Variants in SLC4A10 observed in about 807,000 individuals in gnomAD.
SLC4A10 encodes solute carrier family 4 member 10.
SLC4A10 carries 42 observed loss-of-function variants against 137.7 expected under a neutral mutation model. The ratio of observed to expected loss-of-function variants is 0.30; its 90% CI spans 0.24 to 0.39. The LOEUF (loss-of-function observed/expected upper bound fraction) is 0.39, where lower values mean the gene tolerates loss of function less well. Among genes scored for constraint, SLC4A10 ranks in the 10% least tolerant of loss-of-function variants. The pLI, the probability that SLC4A10 is intolerant of heterozygous loss-of-function variation, is 1.00. For missense variants in SLC4A10, 925 were observed against 1,355.0 expected (o/e 0.68, Z 4.98); for synonymous variants, 474 against 464.1 (o/e 1.02, Z -0.27).
intron 10 of SLC4A10, among the ~76,000 whole-genome samples, chr2:161,886,433 T>G (rs2062292344): frequency 6.6e-6 from 1 of 152,194 alleles, no homozygotes; most frequent in South Asian, 2.1e-4. Flanking sequence ...TTGAGAGTTT[T>G]GAAGGAGTAG....
intron 1 of SLC4A10, among the ~76,000 whole-genome samples, chr2:161,676,266 G>A (rs2040264018): frequency 6.6e-6 from 1 of 152,176 alleles, no homozygotes; most frequent in Non-Finnish European, 1.5e-5. Flanking sequence ...AATATAGCAT[G>A]GGATCAGGGA....
At position 161,848,494 on chromosome 2, in the gene SLC4A10, G is replaced by A. The variant is rs149537246; in HGVS notation, c.417-6476G>A. On this transcript the variant is annotated intron_variant, in intron 4 of 26. Coordinates refer to ENST00000446997, the MANE Select transcript of SLC4A10 (RefSeq NM_001178015.2). ...ATGGTATTTCCTGGATTTTCTTCTA[G>A]AGTTTTTATAGTGTTTTTGGCCTTA... is the stretch of plus-strand genomic sequence containing the variant. Among the ~76,000 whole-genome samples, 755 of 152,150 alleles carry A rather than the reference G, an allele frequency of 5.0e-3. 1 individual carries two copies. Among genetic ancestry groups the A allele is most frequent in the Non-Finnish European group, 7.2e-3 (488 of 67,992 alleles).
At chr2:161,942,286 A>G (rs1184736410) in intron 15 of SLC4A10, among the ~76,000 whole-genome samples, 1 of 152,190 alleles carries the variant, frequency 6.6e-6, no homozygotes, top group South Asian at 2.1e-4. Flanking sequence ...TGGAAAACAA[A>G]CTGTAAATTG....
chr2:161,661,841 A>G (rs560733631), intron 1 of SLC4A10, among the ~76,000 whole-genome samples: 7 of 152,166 alleles, frequency 4.6e-5, no homozygotes, highest in Non-Finnish European at 8.8e-5. Flanking sequence ...CAAAAAAAAT[A>G]TATATTTTAC....
intron 1 of SLC4A10, among the ~76,000 whole-genome samples, chr2:161,684,076 CTTCT>C (rs957671509): frequency 7.9e-5 from 12 of 152,216 alleles, no homozygotes; most frequent in African/African-American, 2.9e-4. Context: ...AACCATCGTT[CTTCT>C]TTCTTTCTTC....
Position 161,843,897 on chromosome 2 carries a change from G to A in SLC4A10, c.416+3970G>A, listed in dbSNP as rs557916853. On this transcript the variant is annotated intron_variant, in intron 4 of 26. Coordinates refer to ENST00000446997, the MANE Select transcript of SLC4A10 (RefSeq NM_001178015.2). The stretch of plus-strand genomic sequence containing the variant: ...ACTGTCATTGCCAAGTAAAACTTAA[G>A]CAAAGTTTTAGGTTTTGAAGCTAAA... 2.1e-4 allele frequency among the ~76,000 whole-genome samples: 32 copies of A among 152,108 alleles called. No homozygotes were observed. The East Asian group carries it at 6.2e-3, about 29-fold the overall frequency.
chr2:161,723,384 C>T (rs2045900028), intron 1 of SLC4A10, among the ~76,000 whole-genome samples: 1 of 152,152 alleles, frequency 6.6e-6, no homozygotes, highest in Non-Finnish European at 1.5e-5. Context: ...CCTAGTCAGT[C>T]TCAATAGGGG....
chr2:161,786,063 G>A (rs2053589293), intron 2 of SLC4A10, among the ~76,000 whole-genome samples: 1 of 151,722 alleles, frequency 6.6e-6, no homozygotes, highest in Non-Finnish European at 1.5e-5. Context: ...TCTCTTTTCT[G>A]AGGTCTAATG....
intron 1 of SLC4A10, among the ~76,000 whole-genome samples, chr2:161,751,771 T>A (rs775903864): frequency 6.6e-6 from 1 of 151,880 alleles, no homozygotes; most frequent in Non-Finnish European, 1.5e-5. Context: ...TTATATAGGG[T>A]CCTCTTATCC....
Position 161,984,253 on chromosome 2 carries a change from T to A in SLC4A10, c.*1101T>A, listed in dbSNP as rs1700573241. ...GTTGTGGAAAAACAGTCTTTTAAAA[T>A]GAAATTTCAGATTCCATTTGAGAAG... On this transcript the variant is annotated 3_prime_UTR_variant, in exon 27 of 27. Coordinates refer to ENST00000446997, the MANE Select transcript of SLC4A10 (RefSeq NM_001178015.2). The A allele has an allele frequency of 6.6e-6, 1 of 152,142 alleles. No homozygotes were observed. The highest frequency in any genetic ancestry group is 6.5e-5 in the Admixed American group (1 of 15,272). The allele number at this position is 152,142 out of a possible 1,614,324, so 9.4% of individuals were successfully genotyped here. A position where few individuals can be genotyped will look rare whatever the true frequency, so the allele number is the denominator to read the frequency against.
intron 19 of SLC4A10, among the ~76,000 whole-genome samples, chr2:161,955,514 G>T (rs1290732314): frequency 1.3e-5 from 2 of 152,152 alleles, no homozygotes; most frequent in East Asian, 3.9e-4. Context: ...TCAATGAAGG[G>T]TACCATTGCT....
At chr2:161,944,727 T>C (rs1180935498) in intron 16 of SLC4A10, among the ~76,000 whole-genome samples, 1 of 151,708 alleles carries the variant, frequency 6.6e-6, no homozygotes, top group Admixed American at 6.6e-5. Context: ...AGAAACAGTC[T>C]TTATCACCAG....
chr2:161,879,633 A>G (rs1575420149), intron 9 of SLC4A10, among the ~76,000 whole-genome samples: 1 of 148,826 alleles, frequency 6.7e-6, no homozygotes, highest in East Asian at 2.0e-4. Flanking sequence ...ATTGTCTGCT[A>G]TAGAAAGAAA....
chr2:161,933,274 T>C (rs1324802529), intron 15 of SLC4A10, among the ~76,000 whole-genome samples: 1 of 150,274 alleles, frequency 6.7e-6, no homozygotes, highest in Non-Finnish European at 1.5e-5. Flanking sequence ...CCTTCCTTCC[T>C]TTCTTTTTCT....
At chr2:161,714,324 T>C (rs1196894632) in intron 1 of SLC4A10, among the ~76,000 whole-genome samples, 1 of 151,916 alleles carries the variant, frequency 6.6e-6, no homozygotes, top group African/African-American at 2.4e-5. Flanking sequence ...TTGAATATCA[T>C]TGGGCTTCAA....
intron 1 of SLC4A10, among the ~76,000 whole-genome samples, chr2:161,644,296 A>G (rs1271855043): frequency 2.0e-5 from 3 of 152,064 alleles, no homozygotes; most frequent in African/African-American, 7.2e-5. Context: ...CAGGAGCTCA[A>G]TACTAGCCTG....
Position 161,898,318 on chromosome 2 carries a change from G to T in SLC4A10, c.1342-2593G>T, listed in dbSNP as rs567840462. ...CCTTAAATGTAAATAGACATATGTA[G>T]TTTGTGGCTATCATATTAGACAGCA... On this transcript the variant is annotated intron_variant, in intron 11 of 26. Transcript: ENST00000446997. Among the ~76,000 whole-genome samples, 305 of 152,210 alleles carry T rather than the reference G, an allele frequency of 2.0e-3. 1 individual carries two copies. Among genetic ancestry groups the T allele is most frequent in the African/African-American group, 6.7e-3 (280 of 41,550 alleles).
At chr2:161,904,458 C>A (rs1296544537) in intron 13 of SLC4A10, among the ~76,000 whole-genome samples, 1 of 152,188 alleles carries the variant, frequency 6.6e-6, no homozygotes, top group Admixed American at 6.5e-5. Context: ...CCATTCTTGT[C>A]TCACAAGAGG....
At chr2:161,649,538 C>T (rs2105565513) in intron 1 of SLC4A10, among the ~76,000 whole-genome samples, 2 of 152,160 alleles carry the variant, frequency 1.3e-5, no homozygotes, top group South Asian at 4.2e-4. Context: ...ATTCTTAAGA[C>T]TTATAGATTC....
Sources: gnomAD v4.1 joint callset for allele counts (sites outside exome capture counted in the v4.1 genomes callset) on GRCh38, gnomAD v4.1.1 for gene constraint, MANE v1.5 for transcripts, NCBI Gene and HGNC (gene_info 2026-07-23, HGNC 2026-07-21) for gene names.